Variants in OTUD7B observed in about 807,000 individuals in gnomAD.
OTUD7B encodes the protein OTU deubiquitinase 7B.
Under a neutral mutation model 82.2 loss-of-function variants are expected in OTUD7B, and 34 were observed. That is an observed-to-expected ratio of 0.41 (90% CI 0.31 to 0.55). The LOEUF (loss-of-function observed/expected upper bound fraction) is 0.55, where lower values mean the gene tolerates loss of function less well. OTUD7B is among the 20% of genes least tolerant of loss of function. The probability of loss-of-function intolerance (pLI) is 0.20; values close to 1 mark genes in which losing one functional copy is unlikely to be tolerated. For synonymous variants in OTUD7B, 398 were observed against 402.7 expected (o/e 0.99, Z 0.14); for missense variants, 944 against 1,062.1 (o/e 0.89, Z 1.55).
intron 1 of OTUD7B, among the ~76,000 whole-genome samples, chr1:149,984,939 A>G (rs1651029792): frequency 6.6e-6 from 1 of 152,176 alleles, no homozygotes; most frequent in Non-Finnish European, 1.5e-5. Context: ...TCAGGTTTTC[A>G]TAACCTGCAC....
intron 1 of OTUD7B, among the ~76,000 whole-genome samples, chr1:150,004,426 G>A (rs1270854328): frequency 1.3e-5 from 2 of 151,834 alleles, no homozygotes; most frequent in Non-Finnish European, 2.9e-5. Context: ...TGGGCATGCT[G>A]GTGCACGCCT....
chr1:150,015,641 CTT>C (rs1274523327), upstream of OTUD7B, among the ~76,000 whole-genome samples: 1 of 152,130 alleles, frequency 6.6e-6, no homozygotes, highest in African/African-American at 2.4e-5. Context: ...TGTTTTCTCT[CTT>C]TTCAAAAACT....
chr1:149,998,534 G>A lies in OTUD7B; in HGVS notation c.-67+11914C>T, dbSNP rs141956182. 8.5e-5 allele frequency among the ~76,000 whole-genome samples: 13 copies of A among 152,174 alleles called. No homozygotes were observed. The East Asian group carries it at 1.2e-3, about 14-fold the overall frequency. On this transcript the variant is annotated intron_variant, in intron 1 of 11. Transcript: ENST00000581312. ...GGTTCTCCACCTTGAATGTTTCCCCGCTATATTTCTCTCTTCTCTAAGGTC... is the reference window on the plus strand; with the variant it reads ...GGTTCTCCACCTTGAATGTTTCCCCACTATATTTCTCTCTTCTCTAAGGTC...
intron 1 of OTUD7B, among the ~76,000 whole-genome samples, chr1:149,982,788 C>CA (rs1650854522): frequency 6.8e-6 from 1 of 147,606 alleles, no homozygotes; most frequent in Non-Finnish European, 1.5e-5. Context: ...ATCTTAAACT[C>CA]AAACATTTTA....
At position 149,959,701 on chromosome 1, in the gene OTUD7B, A is replaced by T. The variant is rs1291865680; in HGVS notation, c.828T>A (p.Asn276Lys). Residue 276 changes from asparagine (N) to lysine (K), a missense_variant, in exon 7 of 12, where the codon AAT (asparagine) becomes AAA (lysine). Physicochemically the swap from Asn to Lys is moderately conservative, Grantham distance 94. Transcript: ENST00000581312. Reference sequence around the variant, plus strand: ...ATACTTACCCACCACAGTTGGCTCCATTGGTACCTAGATGCATTCGGGGTT... The same window carrying T: ...ATACTTACCCACCACAGTTGGCTCCTTTGGTACCTAGATGCATTCGGGGTT... ...SSEPRMHLGTNGANCGGVESS... is the reference protein window; with the variant it reads ...SSEPRMHLGTKGANCGGVESS... 3 of 1,612,248 alleles carry T rather than the reference A, an allele frequency of 1.9e-6. No individual in the cohort carries two copies. In the African/African-American group the frequency reaches 4.0e-5, roughly 22 times the overall value.
intron 1 of OTUD7B, among the ~76,000 whole-genome samples, chr1:150,001,738 C>A (rs895859947): frequency 7.9e-5 from 12 of 152,172 alleles, no homozygotes; most frequent in Admixed American, 2.0e-4. Flanking sequence ...CTTGGCAGCT[C>A]TGCTTAAGTG....
chr1:150,022,107 C>A, the OTUD7B span, among the ~76,000 whole-genome samples: 1 of 152,086 alleles, frequency 6.6e-6, no homozygotes, highest in Non-Finnish European at 1.5e-5. Flanking sequence ...ACTGTAAAAT[C>A]TCATGCTGGG....
the OTUD7B span, among the ~76,000 whole-genome samples, chr1:150,034,986 T>C: frequency 1.3e-5 from 2 of 151,694 alleles, no homozygotes; most frequent in Non-Finnish European, 2.9e-5. Flanking sequence ...CAACTAAAAA[T>C]ACAAAAAATT....
intron 1 of OTUD7B, among the ~76,000 whole-genome samples, chr1:149,985,836 C>G (rs587643551): frequency 6.6e-6 from 1 of 152,220 alleles, no homozygotes; most frequent in African/African-American, 2.4e-5. Context: ...CCATTATTCC[C>G]TTCCTTGTAC....
chr1:150,064,318 A>G, the OTUD7B span, among the ~76,000 whole-genome samples: 1 of 152,128 alleles, frequency 6.6e-6, no homozygotes, highest in African/African-American at 2.4e-5. Flanking sequence ...GTATGACACA[A>G]GTAATCCTTT....
At position 149,940,355 on chromosome 1, in the gene OTUD7B, GT is replaced by G. The variant is rs2092752974; in HGVS notation, c.*3501del. On this transcript the variant is annotated 3_prime_UTR_variant, in exon 12 of 12. Coordinates refer to ENST00000581312, the MANE Select transcript of OTUD7B (RefSeq NM_020205.4). The stretch of plus-strand genomic sequence containing the variant: ...TCTTTGGATATAATCTTTTTATTTT[GT>G]TGATAAAAACCAGTATGGAGGAAAA... 6.6e-6 allele frequency: 1 copy of G among 151,906 alleles called. No homozygotes were observed. The highest frequency in any genetic ancestry group is 1.5e-5 in the Non-Finnish European group (1 of 67,958). The allele number at this position is 151,906 out of a possible 1,614,324, so 9.4% of individuals were successfully genotyped here. A position where few individuals can be genotyped will look rare whatever the true frequency, so the allele number is the denominator to read the frequency against.
upstream of OTUD7B, among the ~76,000 whole-genome samples, chr1:150,013,932 A>T (rs1418514293): frequency 6.8e-3 from 48 of 7,038 alleles, no homozygotes; most frequent in East Asian, 0.1. Context: ...AAAAAAAAAA[A>T]AAATAATATA....
intron 1 of OTUD7B, among the ~76,000 whole-genome samples, chr1:149,996,294 G>A (rs587757301): frequency 6.6e-6 from 1 of 152,282 alleles, no homozygotes; most frequent in African/African-American, 2.4e-5. Context: ...AAGGGGAAGA[G>A]AGGAAAAGCA....
the OTUD7B span, among the ~76,000 whole-genome samples, chr1:150,063,164 G>T: frequency 6.6e-6 from 1 of 152,036 alleles, no homozygotes; most frequent in Non-Finnish European, 1.5e-5. Context: ...GATAGAAATG[G>T]TTCTAGGCTA....
At position 149,976,633 on chromosome 1, in the gene OTUD7B, A is replaced by AAAAAAAAAAAAAAAAAT. The variant is rs1176193849; in HGVS notation, c.85+792_85+793insATTTTTTTTTTTTTTTT. 2.9e-5 allele frequency among the ~76,000 whole-genome samples: 3 copies of AAAAAAAAAAAAAAAAAT among 102,646 alleles called. 1 individual carries two copies. Among genetic ancestry groups the AAAAAAAAAAAAAAAAAT allele is most frequent in the Non-Finnish European group, 5.6e-5 (3 of 53,156 alleles). The allele number at this position is 102,646 out of a possible 152,430, so 67.3% of individuals were successfully genotyped here. A position where few individuals can be genotyped will look rare whatever the true frequency, so the allele number is the denominator to read the frequency against. ...TCTACAAAAAAAAAAAAAAAAAAAT[A>AAAAAAAAAAAAAAAAAT]CTAGAACATTCAAACTTATGTGTAT... On this transcript the variant is annotated intron_variant, in intron 2 of 11. Transcript: ENST00000581312.
chr1:150,034,602 T>C, the OTUD7B span, among the ~76,000 whole-genome samples: 2 of 152,204 alleles, frequency 1.3e-5, no homozygotes, highest in African/African-American at 4.8e-5. Flanking sequence ...AAAGAAATCA[T>C]TTCTGCAAAC....
chr1:150,001,023 G>A (rs1280502528), intron 1 of OTUD7B, among the ~76,000 whole-genome samples: 2 of 151,964 alleles, frequency 1.3e-5, no homozygotes, highest in Non-Finnish European at 1.5e-5. Flanking sequence ...AAGATGTGGC[G>A]GGGCAGAGGA....
At chr1:149,976,716 T>G (rs1171233787) in intron 2 of OTUD7B, among the ~76,000 whole-genome samples, 4 of 151,004 alleles carry the variant, frequency 2.6e-5, no homozygotes, top group African/African-American at 9.7e-5. Flanking sequence ...TCACTCAACA[T>G]AGAATTACCC....
At chr1:149,967,583 A>T (rs1289528533) in intron 3 of OTUD7B, 62 bp from the exon 4 acceptor site, 6 of 1,257,946 alleles carry the variant, frequency 4.8e-6, no homozygotes, top group South Asian at 1.5e-5. Context: ...CTCTACACTG[A>T]TGTGGTGATA....
Sources: allele counts gnomAD v4.1 joint callset (sites outside exome capture counted in the v4.1 genomes callset), GRCh38; gene constraint gnomAD v4.1.1; transcripts MANE v1.5; gene names NCBI Gene and HGNC (gene_info 2026-07-23, HGNC 2026-07-21).